The following CCDC81 variants were observed in gnomAD, a reference collection of about 807,000 sequenced individuals.
The protein encoded by CCDC81 is coiled-coil domain-containing protein 81.
A neutral mutation model predicts 83.7 loss-of-function variants in CCDC81; 79 were observed. That is an observed-to-expected ratio of 0.94 (90% CI 0.79 to 1.14). The LOEUF (loss-of-function observed/expected upper bound fraction) is 1.14. Ranked by LOEUF, CCDC81 falls within the 50% of genes most tolerant of loss-of-function variation. CCDC81 has a pLI of 0.00. For synonymous variants in CCDC81, 252 were observed against 278.1 expected (o/e 0.91, Z 0.93); for missense variants, 791 against 778.1 (o/e 1.02, Z -0.20).
chr11:86,420,011 C>T lies in CCDC81; in HGVS notation c.1775C>T (p.Ala592Val), dbSNP rs758499868. Reference sequence around the variant, plus strand: ...CAGGAGGACTGGGAAAGGAGTGCTGCGATGAAGAAGCAGCGAGACCTGGAG... The same window carrying T: ...CAGGAGGACTGGGAAAGGAGTGCTGTGATGAAGAAGCAGCGAGACCTGGAG... ...CLQEDWERSA[A>V]MKKQRDLEDK... The change falls in exon 14 of 15, where the codon GCG (alanine) becomes GTG (valine). Residue 592 changes from alanine (A) to valine (V), a missense_variant. Physicochemically the swap from Ala to Val is moderately conservative, Grantham distance 64 (BLOSUM62 0). Coordinates refer to ENST00000445632, the MANE Select transcript of CCDC81 (RefSeq NM_001156474.2). The T allele has an allele frequency of 1.7e-5, 27 of 1,613,618 alleles. No individual in the cohort carries two copies. In the East Asian group the frequency reaches 2.9e-4, roughly 17 times the overall value.
In CCDC81 at chr11:86,395,374, C is replaced by G. The variant is rs770411800; in HGVS notation, c.596C>G (p.Ala199Gly). ...TVDSVLSSRE[A>G]LRKWPSSVLA... is the part of the protein sequence containing the mutation. Reference sequence around the variant, plus strand: ...GACTCGGTGTTGTCTAGCAGAGAGGCCTTGAGGAAGTGGCCCAGCAGTGTG... The same window carrying G: ...GACTCGGTGTTGTCTAGCAGAGAGGGCTTGAGGAAGTGGCCCAGCAGTGTG... Residue 199 changes from alanine to glycine, a missense_variant, in exon 5 of 15, where the codon GCC becomes GGC. By Grantham distance (60) the Ala-to-Gly change is moderately conservative (BLOSUM62 0). Coordinates refer to ENST00000445632, the MANE Select transcript of CCDC81 (RefSeq NM_001156474.2). The G allele has an allele frequency of 5.0e-6, 8 of 1,613,890 alleles. No homozygotes were observed. The highest frequency in any genetic ancestry group is 6.8e-6 in the Non-Finnish European group (8 of 1,179,958).
In CCDC81 at chr11:86,395,373, GC is replaced by G. The variant is rs1434027911; in HGVS notation, c.597del (p.Leu200Ter). ...TVDSVLSSREALRKWPSSVLA... is the reference protein window; with the variant it reads ...TVDSVLSSREXLRKWPSSVLA... ...GGACTCGGTGTTGTCTAGCAGAGAG[GC>G]CTTGAGGAAGTGGCCCAGCAGTGTG... On this transcript the variant is annotated frameshift_variant, in exon 5 of 15. Coordinates refer to ENST00000445632, the MANE Select transcript of CCDC81 (RefSeq NM_001156474.2). LOFTEE classifies it high-confidence loss of function. 7 of 1,613,946 alleles carry G rather than the reference GC, an allele frequency of 4.3e-6. No individual in the cohort carries two copies. The highest frequency in any genetic ancestry group is 5.9e-6 in the Non-Finnish European group (7 of 1,179,978).
chr11:86,406,077 C>T (rs147621885), intron 7 of CCDC81, among the ~76,000 whole-genome samples: 6 of 152,238 alleles, frequency 3.9e-5, no homozygotes, highest in African/African-American at 1.4e-4. Context: ...TCTTATATCC[C>T]TGTCCTTCCT....
chr11:86,421,843 A>G (rs2138548940), intron 14 of CCDC81, among the ~76,000 whole-genome samples: 1 of 152,006 alleles, frequency 6.6e-6, no homozygotes, highest in South Asian at 2.1e-4. Context: ...GCTGGAGCCC[A>G]GGAAGTCGAG....
intron 6 of CCDC81, among the ~76,000 whole-genome samples, chr11:86,399,816 CA>C (rs1948459865): frequency 6.6e-6 from 1 of 152,054 alleles, no homozygotes; most frequent in African/African-American, 2.4e-5. Context: ...CTGAACATAT[CA>C]GATCCTTAAA....
At chr11:86,388,620 G>A (rs1948281309) in intron 3 of CCDC81, among the ~76,000 whole-genome samples, 1 of 152,164 alleles carries the variant, frequency 6.6e-6, no homozygotes, top group South Asian at 2.1e-4. Flanking sequence ...AAAAACAAAT[G>A]TCAACAAACC....
At position 86,387,683 on chromosome 11, in the gene CCDC81, C is replaced by T; in HGVS notation, c.298+11C>T. 1 of 1,575,622 alleles carries T rather than the reference C, an allele frequency of 6.3e-7. No homozygotes were observed. The highest frequency in any genetic ancestry group is 8.7e-7 in the Non-Finnish European group (1 of 1,152,320). The stretch of plus-strand genomic sequence containing the variant: ...AAGTATATACTCCTGGTAAATAATT[C>T]TGATATGTAGGATTTTCCCAGAAGG... On this transcript the variant is annotated intron_variant, in intron 3 of 14. Transcript: ENST00000445632.
At chr11:86,392,993 A>C (rs1036059805) in intron 4 of CCDC81, among the ~76,000 whole-genome samples, 196 bp downstream of exon 4, 24 of 152,264 alleles carry the variant, frequency 1.6e-4, no homozygotes, top group African/African-American at 5.5e-4. Context: ...ATTAAGAATC[A>C]AAGTCAATTG....
chr11:86,389,608 AACTC>A (rs1288473072), intron 3 of CCDC81, among the ~76,000 whole-genome samples: 2 of 152,154 alleles, frequency 1.3e-5, no homozygotes, highest in African/African-American at 2.4e-5. Context: ...ATCTCATGAG[AACTC>A]ACTCACTATT....
At chr11:86,417,127 C>G (rs1490900903) in intron 13 of CCDC81, among the ~76,000 whole-genome samples, 3 of 151,540 alleles carry the variant, frequency 2.0e-5, no homozygotes, top group African/African-American at 4.9e-5. Flanking sequence ...GCCTGTAATC[C>G]CAGCTATTCG....
At chr11:86,419,373 G>A (rs1948759676) in intron 13 of CCDC81, 3 of 152,212 alleles carry the variant, frequency 2.0e-5, no homozygotes, top group Non-Finnish European at 2.9e-5. Context: ...TCACTTCTTC[G>A]ATGACATGGC....
intron 10 of CCDC81, 25 bp downstream of exon 10, chr11:86,409,390 G>A (rs1299554028): frequency 1.7e-6 from 2 of 1,205,946 alleles, no homozygotes; most frequent in Non-Finnish European, 2.4e-6. Flanking sequence ...AATTTCTGTT[G>A]CTAACACCTG....
At chr11:86,414,207 G>C (rs2138538406) in intron 11 of CCDC81, 1 of 152,276 alleles carries the variant, frequency 6.6e-6, no homozygotes, top group African/African-American at 2.4e-5. Flanking sequence ...GAGTGGTGGT[G>C]ATGTGTCTGC....
intron 1 of CCDC81, among the ~76,000 whole-genome samples, chr11:86,378,587 A>C (rs1411114481): frequency 6.6e-6 from 1 of 152,206 alleles, no homozygotes; most frequent in Non-Finnish European, 1.5e-5. Context: ...TTCAAGTATG[A>C]TAATGGATTC....
intron 11 of CCDC81, among the ~76,000 whole-genome samples, chr11:86,413,124 T>A (rs1429691934): frequency 6.6e-6 from 1 of 152,172 alleles, no homozygotes; most frequent in Non-Finnish European, 1.5e-5. Context: ...TGAGTCGGGC[T>A]GCTGTGCGGC....
intron 10 of CCDC81, among the ~76,000 whole-genome samples, chr11:86,411,674 A>T (rs1381983989): frequency 1.3e-5 from 2 of 152,140 alleles, no homozygotes; most frequent in Non-Finnish European, 2.9e-5. Context: ...GATGTTGTAA[A>T]TGCTAACTCA....
intron 10 of CCDC81, among the ~76,000 whole-genome samples, chr11:86,411,517 C>T (rs1369671088): frequency 9.2e-5 from 14 of 152,168 alleles, no homozygotes; most frequent in Non-Finnish European, 1.0e-4. Context: ...TTGATGAGTG[C>T]GAAGATCTCT....
chr11:86,391,972 C>A (rs1412048308), intron 3 of CCDC81, among the ~76,000 whole-genome samples: 1 of 152,154 alleles, frequency 6.6e-6, no homozygotes, highest in Non-Finnish European at 1.5e-5. Flanking sequence ...GTGCTACACA[C>A]TTTTAAACAA....
Position 86,397,755 on chromosome 11 carries a change from T to C in CCDC81, c.757+13T>C, listed in dbSNP as rs1371947071. On this transcript the variant is annotated intron_variant, in intron 6 of 14. Transcript: ENST00000445632. ...GAAGGCACCAGAGGTAGGCCAATGA[T>C]TTCTGGGTCCAATCTGTCACTCTTT... 1.2e-6 allele frequency: 2 copies of C among 1,609,290 alleles called. No individual in the cohort carries two copies. Among genetic ancestry groups the C allele is most frequent in the African/African-American group, 2.7e-5 (2 of 74,680 alleles).
Sources: gnomAD v4.1 joint callset for allele counts (sites outside exome capture counted in the v4.1 genomes callset) on GRCh38, gnomAD v4.1.1 for gene constraint, MANE v1.5 for transcripts, NCBI Gene and HGNC (gene_info 2026-07-23, HGNC 2026-07-21) for gene names.